Variants in RNF146 observed in about 807,000 individuals in gnomAD.
The protein encoded by RNF146 is E3 ubiquitin-protein ligase RNF146.
RNF146 carries 11 observed loss-of-function variants against 29.7 expected under a neutral mutation model. The observed-to-expected ratio is 0.37, with a 90% CI of 0.23 to 0.61. The LOEUF is 0.61. Among genes scored for constraint, RNF146 ranks in the 20% least tolerant of loss-of-function variants. RNF146 has a pLI of 0.66. For synonymous variants in RNF146, 150 were observed against 159.7 expected (o/e 0.94, Z 0.46); for missense variants, 342 against 438.9 (o/e 0.78, Z 1.97).
intron 2 of RNF146, chr6:127,285,337 T>C (rs2114509966): frequency 1.0e-6 from 1 of 985,050 alleles, no homozygotes; most frequent in Non-Finnish European, 1.2e-6. Context: ...TGTTTTTCAA[T>C]TTTTGATGAG....
At chr6:127,279,758 T>G (rs79256190) in intron 1 of RNF146, among the ~76,000 whole-genome samples, 3,774 of 152,000 alleles carry the variant, frequency 0.025, 62 homozygotes, top group East Asian at 0.099. Flanking sequence ...TTAATTTCTT[T>G]CAGTAATGCT....
At chr6:127,273,611 C>T (rs1205908795) in intron 1 of RNF146, among the ~76,000 whole-genome samples, 1 of 151,936 alleles carries the variant, frequency 6.6e-6, no homozygotes, top group East Asian at 1.9e-4. Context: ...TATAAGTCAA[C>T]TTGTTCATTT....
At position 127,286,226 on chromosome 6, in the gene RNF146, A is replaced by G; in HGVS notation, c.3-390A>G. 8.3e-7 allele frequency: 1 copy of G among 1,211,372 alleles called. No homozygotes were observed. The highest frequency in any genetic ancestry group is 4.1e-5 in the South Asian group (1 of 24,204). The allele number at this position is 1,211,372 out of a possible 1,614,324, so 75.0% of individuals were successfully genotyped here. On this transcript the variant is annotated intron_variant, in intron 2 of 2. Coordinates refer to ENST00000368314, the MANE Select transcript of RNF146 (RefSeq NM_001242850.2). The surrounding 1 kb of genome is among the most constrained non-coding windows in gnomAD (Gnocchi z 4.6). The stretch of plus-strand genomic sequence containing the variant: ...TTAACTGAGTGCCTAAGAGCACATA[A>G]TTAATAAAGGACTCTAAAACTCAGA...
In RNF146 at chr6:127,286,978, G is replaced by T; in HGVS notation, c.365G>T (p.Ser122Ile). The stretch of plus-strand genomic sequence containing the variant: ...TGGTGGCAGTACGATGAGCGCACTA[G>T]TAGAGAGCTGGAAGATGCTTTTTCC... Reference protein sequence around the residue: ...NGWWQYDERTSRELEDAFSKG... With the variant: ...NGWWQYDERTIRELEDAFSKG... Residue 122 changes from serine to isoleucine, a missense_variant, in exon 3 of 3, where the codon AGT becomes ATT. This residue lies in a region of RNF146 where 50 missense variants were observed against 54.9 expected (regional missense o/e 0.91). Coordinates refer to ENST00000368314, the MANE Select transcript of RNF146 (RefSeq NM_001242850.2). The surrounding 1 kb of genome is among the most constrained non-coding windows in gnomAD (Gnocchi z 4.6). The T allele has an allele frequency of 6.2e-7, 1 of 1,613,444 alleles. No individual in the cohort carries two copies.
intron 1 of RNF146, among the ~76,000 whole-genome samples, chr6:127,274,472 T>G (rs1777920126): frequency 1.3e-5 from 2 of 152,158 alleles, no homozygotes; most frequent in African/African-American, 4.8e-5. Flanking sequence ...ACAGATAATG[T>G]GTAAATGCAT....
chr6:127,283,923 C>T (rs954274359), intron 2 of RNF146, among the ~76,000 whole-genome samples: 1 of 151,730 alleles, frequency 6.6e-6, no homozygotes, highest in African/African-American at 2.4e-5. Context: ...TTTGCCTTTC[C>T]AATTATGTTA....
At position 127,286,038 on chromosome 6, in the gene RNF146, C is replaced by A. The variant is rs981236915; in HGVS notation, c.3-578C>A. 2 of 1,227,560 alleles carry A rather than the reference C, an allele frequency of 1.6e-6. No individual in the cohort carries two copies. The highest frequency in any genetic ancestry group is 2.0e-6 in the Non-Finnish European group (2 of 984,918). The allele number at this position is 1,227,560 out of a possible 1,614,324, so 76.0% of individuals were successfully genotyped here. On this transcript the variant is annotated intron_variant, in intron 2 of 2. Transcript: ENST00000368314. This position sits in a 1 kb window ranked among gnomAD's most constrained non-coding sequence, Gnocchi z 4.6. ...TCCAATTTGACAAATCTTTTTTCTT[C>A]TTCCTCTTCAGGGGATCTTCAATAT...
intron 2 of RNF146, among the ~76,000 whole-genome samples, chr6:127,281,062 G>A (rs1333235473): frequency 2.0e-5 from 3 of 151,606 alleles, no homozygotes; most frequent in Admixed American, 2.0e-4. Context: ...GAGCAAGAGT[G>A]ACCTTGGTAG....
At chr6:127,268,867 G>C (rs924392017) in intron 1 of RNF146, among the ~76,000 whole-genome samples, 12 of 151,786 alleles carry the variant, frequency 7.9e-5, no homozygotes. Context: ...TTTTTTAAAG[G>C]ATCCAAAACG....
intron 1 of RNF146, among the ~76,000 whole-genome samples, chr6:127,278,851 T>G (rs897755818): frequency 5.3e-5 from 8 of 150,918 alleles, no homozygotes; most frequent in African/African-American, 2.0e-4. Flanking sequence ...TCCTTATAGA[T>G]GTATCATTGT....
chr6:127,282,197 C>CT (rs1779002164), intron 2 of RNF146: 2 of 151,662 alleles, frequency 1.3e-5, no homozygotes, highest in African/African-American at 4.8e-5. Context: ...GAATGTCTCC[C>CT]TTGTTGGCTT....
At chr6:127,268,041 C>T (rs544209843) in intron 1 of RNF146, among the ~76,000 whole-genome samples, 17 of 152,006 alleles carry the variant, frequency 1.1e-4, no homozygotes, top group Non-Finnish European at 1.5e-5. Context: ...TTTATTTTCT[C>T]TAAGTGCCAT....
chr6:127,285,234 C>T (rs1423024448), intron 2 of RNF146: 39 of 984,560 alleles, frequency 4.0e-5, no homozygotes, highest in Non-Finnish European at 4.6e-5. Flanking sequence ...TGAGCCTTGT[C>T]TATTGAGGAA....
At chr6:127,271,240 TA>T (rs1311174173) in intron 1 of RNF146, among the ~76,000 whole-genome samples, 1 of 152,182 alleles carries the variant, frequency 6.6e-6, no homozygotes, top group Non-Finnish European at 1.5e-5. Context: ...CAGGCAATAG[TA>T]GACTATTAGT....
At chr6:127,274,929 T>C (rs974427171) in intron 1 of RNF146, among the ~76,000 whole-genome samples, 15 of 151,142 alleles carry the variant, frequency 9.9e-5, no homozygotes, top group Non-Finnish European at 1.6e-4. Flanking sequence ...AGACGCTGTC[T>C]CTTAAAACAA....
chr6:127,275,750 C>T (rs1778121321), intron 1 of RNF146, among the ~76,000 whole-genome samples: 1 of 151,952 alleles, frequency 6.6e-6, no homozygotes, highest in Admixed American at 6.6e-5. Flanking sequence ...AACAAATAGG[C>T]ATTCATAAGC....
intron 1 of RNF146, among the ~76,000 whole-genome samples, chr6:127,271,665 C>T (rs186372723): frequency 2.6e-5 from 4 of 152,244 alleles, no homozygotes; most frequent in Admixed American, 6.5e-5. Context: ...GTGTAAAATA[C>T]ACACTGGATT....
chr6:127,285,995 G>A, intron 2 of RNF146: 7 of 1,182,722 alleles, frequency 5.9e-6, no homozygotes, highest in Non-Finnish European at 7.4e-6. Context: ...TTTTATGTCA[G>A]TGTTTAAGCT....
At chr6:127,276,536 A>T (rs187736967) in intron 1 of RNF146, among the ~76,000 whole-genome samples, 95 of 152,140 alleles carry the variant, frequency 6.2e-4, no homozygotes, top group African/African-American at 2.2e-3. Flanking sequence ...TGAGGGGGCC[A>T]AGGGTTCTGT....
Sources: gnomAD v4.1 joint callset for allele counts (sites outside exome capture counted in the v4.1 genomes callset) on GRCh38, gnomAD v4.1.1 for gene constraint, gnomAD v4.1.1 regional missense constraint, Gnocchi (gnomAD v3.1) non-coding constraint, MANE v1.5 for transcripts, NCBI Gene and HGNC (gene_info 2026-07-23, HGNC 2026-07-21) for gene names.